Variants in CDH9 observed in about 807,000 individuals in gnomAD.
The protein encoded by CDH9 is cadherin 9.
A neutral mutation model predicts 70.9 loss-of-function variants in CDH9; 28 were observed. The ratio of observed to expected loss-of-function variants is 0.40; its 90% confidence interval spans 0.29 to 0.54. The LOEUF (loss-of-function observed/expected upper bound fraction) is 0.54. CDH9 is among the 20% of genes least tolerant of loss of function. The probability of loss-of-function intolerance (pLI) is 0.59; values close to 1 mark genes in which losing one functional copy is unlikely to be tolerated. For synonymous variants in CDH9, 409 were observed against 343.1 expected (o/e 1.19, Z -2.12); for missense variants, 874 against 984.4 (o/e 0.89, Z 1.50).
chr5:26,997,373 C>T (rs1742684506), intron 1 of CDH9, among the ~76,000 whole-genome samples: 1 of 151,840 alleles, frequency 6.6e-6, no homozygotes, highest in Non-Finnish European at 1.5e-5. Flanking sequence ...AATGGAAATC[C>T]AGGGAATCAA....
intron 9 of CDH9, among the ~76,000 whole-genome samples, chr5:26,887,409 A>G (rs1740583776): frequency 6.6e-6 from 1 of 150,996 alleles, no homozygotes; most frequent in South Asian, 2.1e-4. Flanking sequence ...ACATATACTT[A>G]AAATCTATTT....
chr5:26,978,785 A>G (rs1334534810), intron 2 of CDH9, among the ~76,000 whole-genome samples: 4 of 151,918 alleles, frequency 2.6e-5, no homozygotes, highest in Non-Finnish European at 4.4e-5. Flanking sequence ...AGCAACAATA[A>G]GAATAACCGC....
chr5:26,972,075 A>G (rs1040884697), intron 2 of CDH9, among the ~76,000 whole-genome samples: 1 of 152,158 alleles, frequency 6.6e-6, no homozygotes, highest in Non-Finnish European at 1.5e-5. Context: ...GTATTCGAGC[A>G]TTTTCCCTAT....
intron 2 of CDH9, among the ~76,000 whole-genome samples, chr5:26,941,189 A>G (rs1741656350): frequency 6.6e-6 from 1 of 152,228 alleles, no homozygotes; most frequent in South Asian, 2.1e-4. Context: ...TGCTAGCTAT[A>G]AACAATGATG....
intron 7 of CDH9, among the ~76,000 whole-genome samples, chr5:26,896,667 C>T (rs986272624): frequency 1.3e-5 from 2 of 151,806 alleles, no homozygotes; most frequent in African/African-American, 4.8e-5. Context: ...ACAGCTAAAG[C>T]AGTGTTTAGA....
intron 2 of CDH9, among the ~76,000 whole-genome samples, chr5:26,951,847 A>G (rs942010030): frequency 1.3e-5 from 2 of 152,026 alleles, no homozygotes; most frequent in African/African-American, 2.4e-5. Context: ...GTTTTCACAG[A>G]TTTCTCTTTT....
chr5:26,984,585 A>G (rs1325516275), intron 2 of CDH9, among the ~76,000 whole-genome samples: 2 of 152,142 alleles, frequency 1.3e-5, no homozygotes, highest in Non-Finnish European at 2.9e-5. Context: ...GAACTTATGT[A>G]TAACAAAATA....
chr5:26,984,262 A>G (rs1175691329), intron 2 of CDH9, among the ~76,000 whole-genome samples: 2 of 152,134 alleles, frequency 1.3e-5, no homozygotes, highest in African/African-American at 4.8e-5. Flanking sequence ...CATTAGCTCC[A>G]CGTTCCTTGC....
At chr5:27,024,872 G>C (rs1743195968) in intron 1 of CDH9, among the ~76,000 whole-genome samples, 1 of 152,044 alleles carries the variant, frequency 6.6e-6, no homozygotes, top group Admixed American at 6.6e-5. Context: ...GCTGGGAATG[G>C]AGGTGCAGGA....
chr5:27,015,128 G>A (rs953683127), intron 1 of CDH9, among the ~76,000 whole-genome samples: 6 of 151,654 alleles, frequency 4.0e-5, no homozygotes, highest in Non-Finnish European at 8.8e-5. Flanking sequence ...AGTTAAAAAT[G>A]GTTAAATTTT....
rs770074506 is a variant in CDH9, at chr5:26,915,591, C to T, written c.523+39G>A. The T allele has an allele frequency of 1.7e-5, 21 of 1,203,714 alleles. No homozygotes were observed. In the Admixed American group the frequency reaches 3.9e-4, roughly 22 times the overall value. The allele number at this position is 1,203,714 out of a possible 1,614,324, so 74.6% of individuals were successfully genotyped here. A position where few individuals can be genotyped will look rare whatever the true frequency, so the allele number is the denominator to read the frequency against. The stretch of plus-strand genomic sequence containing the variant: ...AATAATAATTACCTGAGCAAACAAA[C>T]AAATAAAAAGTAGTTTACATGGATT... On this transcript the variant is annotated intron_variant, in intron 3 of 11. Transcript: ENST00000231021.
At chr5:26,960,497 T>C (rs1742015632) in intron 2 of CDH9, among the ~76,000 whole-genome samples, 2 of 151,974 alleles carry the variant, frequency 1.3e-5, no homozygotes, top group South Asian at 4.1e-4. Context: ...AATCTCTGGA[T>C]AGTATTCAGA....
chr5:26,910,756 G>A (rs955770574), intron 3 of CDH9, among the ~76,000 whole-genome samples: 1 of 152,158 alleles, frequency 6.6e-6, no homozygotes, highest in Non-Finnish European at 1.5e-5. Flanking sequence ...GTTAACGAAA[G>A]TTACAGAAAG....
intron 1 of CDH9, among the ~76,000 whole-genome samples, chr5:27,034,174 A>G (rs1743353764): frequency 6.6e-6 from 1 of 151,748 alleles, no homozygotes; most frequent in African/African-American, 2.4e-5. Context: ...AATCTTTCAT[A>G]TTCAAATTTA....
At chr5:26,922,420 G>T (rs1415793317) in intron 2 of CDH9, among the ~76,000 whole-genome samples, 1 of 152,054 alleles carries the variant, frequency 6.6e-6, no homozygotes, top group Non-Finnish European at 1.5e-5. Flanking sequence ...CAGGATAAGA[G>T]AGAGTGGCAC....
At position 26,915,721 on chromosome 5, in the gene CDH9, T is replaced by G. The variant is rs1380701691; in HGVS notation, c.432A>C (p.Glu144Asp). ...KTGRQVEPES[E>D]FIIKIHDIND... is the part of the protein sequence containing the mutation. ...TGATATCATGTATTTTAATGATAAATTCCGATTCCGGTTCCACCTGCCGCC... is the reference window on the plus strand; with the variant it reads ...TGATATCATGTATTTTAATGATAAAGTCCGATTCCGGTTCCACCTGCCGCC... Residue 144 changes from glutamate (E) to aspartate (D), a missense_variant, in exon 3 of 12, where the codon GAA becomes GAC. Coordinates refer to ENST00000231021, the MANE Select transcript of CDH9 (RefSeq NM_016279.4). 1 of 1,612,952 alleles carries G rather than the reference T, an allele frequency of 6.2e-7. No individual in the cohort carries two copies. Among genetic ancestry groups the G allele is most frequent in the Non-Finnish European group, 8.5e-7 (1 of 1,179,074 alleles).
At chr5:26,923,452 A>C (rs909855593) in intron 2 of CDH9, among the ~76,000 whole-genome samples, 3 of 152,038 alleles carry the variant, frequency 2.0e-5, no homozygotes, top group Non-Finnish European at 4.4e-5. Flanking sequence ...AAAGGGAAAA[A>C]CAGATCTTAA....
intron 3 of CDH9, among the ~76,000 whole-genome samples, chr5:26,908,770 G>A (rs1355677874): frequency 6.6e-6 from 1 of 152,124 alleles, no homozygotes; most frequent in Non-Finnish European, 1.5e-5. Context: ...TAAAATACTT[G>A]TTCCACCTCT....
intron 2 of CDH9, among the ~76,000 whole-genome samples, chr5:26,946,343 T>A (rs1007802012): frequency 3.3e-5 from 5 of 152,172 alleles, no homozygotes; most frequent in Non-Finnish European, 7.4e-5. Flanking sequence ...TATTGAGCCA[T>A]GTTTCTGATT....
Sources: gnomAD v4.1 joint callset for allele counts (sites outside exome capture counted in the v4.1 genomes callset) on GRCh38, gnomAD v4.1.1 for gene constraint, MANE v1.5 for transcripts, NCBI Gene and HGNC (gene_info 2026-07-23, HGNC 2026-07-21) for gene names.